ALMS1: variants seen among roughly 807,000 people sequenced by gnomAD.
ALMS1 encodes the protein centrosome-associated protein ALMS1.
In ALMS1, 271 loss-of-function variants were observed where a neutral mutation model predicts 352.2. That is an observed-to-expected ratio of 0.77 (90% CI 0.70 to 0.85). ALMS1 has a LOEUF of 0.85. Ranked by LOEUF, ALMS1 falls within the 40% of genes least tolerant of loss-of-function variation. The pLI, the probability that ALMS1 is intolerant of heterozygous loss-of-function variation, is 0.00. For synonymous variants in ALMS1, 1,865 were observed against 1,761.2 expected (o/e 1.06, Z -1.48); for missense variants, 5,445 against 4,870.7 (o/e 1.12, Z -3.51).
At chr2:73,594,517 C>A (rs1675504580) in intron 16 of ALMS1, among the ~76,000 whole-genome samples, 1 of 152,150 alleles carries the variant, frequency 6.6e-6, no homozygotes, top group Non-Finnish European at 1.5e-5. Flanking sequence ...TGGAAGGGAC[C>A]ACTGGAGTCC....
At chr2:73,568,277 C>A (rs1674844899) in intron 15 of ALMS1, among the ~76,000 whole-genome samples, 1 of 152,068 alleles carries the variant, frequency 6.6e-6, no homozygotes, top group Non-Finnish European at 1.5e-5. Context: ...AAATTTGTTG[C>A]AACATTTTTG....
chr2:73,426,982 A>G (rs1671394031), intron 6 of ALMS1, among the ~76,000 whole-genome samples: 1 of 152,210 alleles, frequency 6.6e-6, no homozygotes, highest in Non-Finnish European at 1.5e-5. Context: ...AGAGGTTGGT[A>G]TAAAAGAAAT....
intron 11 of ALMS1, among the ~76,000 whole-genome samples, chr2:73,521,465 G>A (rs538308465): frequency 5.7e-4 from 86 of 151,844 alleles, no homozygotes; most frequent in Non-Finnish European, 9.9e-4. Flanking sequence ...AGCAGTGCGC[G>A]GTGGCTCACG....
intron 11 of ALMS1, among the ~76,000 whole-genome samples, chr2:73,533,061 G>A (rs906717203): frequency 6.6e-6 from 1 of 152,062 alleles, no homozygotes; most frequent in Non-Finnish European, 1.5e-5. Context: ...ACTCTGCCTG[G>A]CATCTCTATC....
intron 9 of ALMS1, among the ~76,000 whole-genome samples, chr2:73,474,570 G>A (rs1572956681): frequency 6.6e-6 from 1 of 152,002 alleles, no homozygotes; most frequent in African/African-American, 2.4e-5. Flanking sequence ...CACCTCCCGA[G>A]CTCAAGCTAT....
chr2:73,462,766 A>G (rs1377975388), intron 9 of ALMS1: 2 of 152,226 alleles, frequency 1.3e-5, no homozygotes, highest in African/African-American at 2.4e-5. Flanking sequence ...AGGAAGATCT[A>G]CCAAGCAAAT....
At chr2:73,540,859 C>A (rs1356958274) in intron 12 of ALMS1, among the ~76,000 whole-genome samples, 1 of 152,158 alleles carries the variant, frequency 6.6e-6, no homozygotes, top group African/African-American at 2.4e-5. Flanking sequence ...TACAGGAGCA[C>A]CCAGATTGAT....
At position 73,489,980 on chromosome 2, in the gene ALMS1, A is replaced by G. The variant is rs2103890327; in HGVS notation, c.8021A>G (p.Glu2674Gly). 6.2e-7 allele frequency: 1 copy of G among 1,614,244 alleles called. No individual in the cohort carries two copies. Among genetic ancestry groups the G allele is most frequent in the Non-Finnish European group, 8.5e-7 (1 of 1,180,030 alleles). Reference sequence around the variant, plus strand: ...AAAGGTCTTCGAATGCCATTCGATGAAAAGATGGACCCTTGGCTGTCAGAA... The same window carrying G: ...AAAGGTCTTCGAATGCCATTCGATGGAAAGATGGACCCTTGGCTGTCAGAA... ...ISKGLRMPFDEKMDPWLSELV... is the reference protein window; with the variant it reads ...ISKGLRMPFDGKMDPWLSELV... Residue 2674 changes from glutamate (E) to glycine (G), a missense_variant, in exon 10 of 23, where the codon GAA (glutamate) becomes GGA (glycine). Transcript: ENST00000613296.
intron 1 of ALMS1, among the ~76,000 whole-genome samples, chr2:73,387,036 C>T (rs1278110682): frequency 1.3e-5 from 2 of 152,126 alleles, no homozygotes; most frequent in African/African-American, 4.8e-5. Context: ...TGCGTCTGTT[C>T]TTACCGGTTT....
At position 73,452,525 on chromosome 2, in the gene ALMS1, A is replaced by G. The variant is rs766192577; in HGVS notation, c.5998A>G (p.Thr2000Ala). The change falls in exon 8 of 23, where the codon ACT becomes GCT. Residue 2000 changes from threonine to alanine, a missense_variant. Thr to Ala is a moderately conservative substitution (Grantham distance 58). Coordinates refer to ENST00000613296, the MANE Select transcript of ALMS1 (RefSeq NM_001378454.1). Reference protein sequence around the residue: ...HSHKEKLKISTVHIPDDQKTE... With the variant: ...HSHKEKLKISAVHIPDDQKTE... ...ACATAAAGAGAAACTCAAGATTTCA[A>G]CTGTGCATATACCAGATGACCAGAA... 1.9e-6 allele frequency: 3 copies of G among 1,614,080 alleles called. No homozygotes were observed. Among genetic ancestry groups the G allele is most frequent in the Admixed American group, 3.3e-5 (2 of 60,016 alleles).
chr2:73,500,409 A>T (rs762693832), intron 10 of ALMS1, among the ~76,000 whole-genome samples: 1 of 152,110 alleles, frequency 6.6e-6, no homozygotes, highest in East Asian at 1.9e-4. Flanking sequence ...GTCAGGGCTG[A>T]GTGGCACAGG....
At position 73,480,736 on chromosome 2, in the gene ALMS1, T is replaced by C. The variant is rs563176650; in HGVS notation, c.7675-8898T>C. ...ATTTCTCCACATCCTCTCCAGCACC[T>C]GTTGTTTCCTGACTTTTTAATGATT... On this transcript the variant is annotated intron_variant, in intron 9 of 22. Coordinates refer to ENST00000613296, the MANE Select transcript of ALMS1 (RefSeq NM_001378454.1). Among the ~76,000 whole-genome samples, 1,087 of 150,742 alleles carry C rather than the reference T, an allele frequency of 7.2e-3. 8 individuals are homozygous for C. The highest frequency in any genetic ancestry group is 0.011 in the Non-Finnish European group (715 of 67,468).
At chr2:73,504,942 C>G (rs1226284550) in intron 10 of ALMS1, among the ~76,000 whole-genome samples, 2 of 152,150 alleles carry the variant, frequency 1.3e-5, no homozygotes, top group Admixed American at 1.3e-4. Context: ...CATATATTCT[C>G]AACTCCCACT....
At chr2:73,467,578 A>G (rs1208675132) in intron 9 of ALMS1, among the ~76,000 whole-genome samples, 1 of 152,128 alleles carries the variant, frequency 6.6e-6, no homozygotes, top group Non-Finnish European at 1.5e-5. Flanking sequence ...CTTACCTGGG[A>G]CACTTCATTC....
chr2:73,602,854 C>T (rs1000478501), intron 20 of ALMS1, among the ~76,000 whole-genome samples: 7 of 152,138 alleles, frequency 4.6e-5, no homozygotes, highest in African/African-American at 1.7e-4. Flanking sequence ...AGATGACATA[C>T]CTAGTAAGTA....
intron 10 of ALMS1, among the ~76,000 whole-genome samples, chr2:73,518,953 T>C (rs1673615753): frequency 6.6e-6 from 1 of 152,214 alleles, no homozygotes; most frequent in African/African-American, 2.4e-5. Context: ...CAGTTTTTGC[T>C]TTCGTTGCAA....
rs531154108 is a variant in ALMS1, at chr2:73,457,528, C to T, written c.7674+2233C>T. ...AAAATGCTGGGATTACAGGCCATTA[C>T]GCCTCGCCCTATGTAATACTTTTTA... On this transcript the variant is annotated intron_variant, in intron 9 of 22. Coordinates refer to ENST00000613296, the MANE Select transcript of ALMS1 (RefSeq NM_001378454.1). Among the ~76,000 whole-genome samples, 93 of 152,182 alleles carry T rather than the reference C, an allele frequency of 6.1e-4. 2 individuals are homozygous for T. The South Asian group carries it at 0.016, about 27-fold the overall frequency.
intron 1 of ALMS1, among the ~76,000 whole-genome samples, chr2:73,396,895 C>T (rs192028654): frequency 1.2e-4 from 18 of 152,170 alleles, no homozygotes; most frequent in African/African-American, 3.9e-4. Context: ...CCACCCTCCT[C>T]GGCCTCCCAA....
At position 73,449,522 on chromosome 2, in the gene ALMS1, C is replaced by T. The variant is rs1173174852; in HGVS notation, c.2995C>T (p.Pro999Ser). Residue 999 changes from proline (P) to serine (S), a missense_variant, in exon 8 of 23, where the codon CCT (proline) becomes TCT (serine). Transcript: ENST00000613296. ...DQKTVPTPTVPSGSFSHREKP... is the reference protein window; with the variant it reads ...DQKTVPTPTVSSGSFSHREKP... ...GAAGACTGTCCCAACACCAACAGTACCTTCAGGTTCCTTCTCACATAGAGA... is the reference window on the plus strand; with the variant it reads ...GAAGACTGTCCCAACACCAACAGTATCTTCAGGTTCCTTCTCACATAGAGA... 6.2e-7 allele frequency: 1 copy of T among 1,613,982 alleles called. No individual in the cohort carries two copies. Among genetic ancestry groups the T allele is most frequent in the Non-Finnish European group, 8.5e-7 (1 of 1,179,978 alleles).
Sources: gnomAD v4.1 joint callset for allele counts (sites outside exome capture counted in the v4.1 genomes callset) on GRCh38, gnomAD v4.1.1 for gene constraint, MANE v1.5 for transcripts, NCBI Gene and HGNC (gene_info 2026-07-23, HGNC 2026-07-21) for gene names.